BCL2L1: variants seen among roughly 807,000 people sequenced by gnomAD.
The protein encoded by BCL2L1 is BCL2 like 1.
BCL2L1 carries 1 observed loss-of-function variant against 18.7 expected under a neutral mutation model. The observed-to-expected ratio is 0.05, with a 90% confidence interval of 0.02 to 0.25. The LOEUF (loss-of-function observed/expected upper bound fraction) is 0.25. Ranked by LOEUF, BCL2L1 falls within the 10% of genes least tolerant of loss-of-function variation. The pLI is 1.00. For missense variants in BCL2L1, 207 were observed against 304.9 expected (o/e 0.68, Z 2.39); for synonymous variants, 103 against 122.7 (o/e 0.84, Z 1.06).
At chr20:31,690,636 T>C (rs2061048472) in intron 2 of BCL2L1, among the ~76,000 whole-genome samples, 1 of 151,528 alleles carries the variant, frequency 6.6e-6, no homozygotes, top group Admixed American at 6.6e-5. Flanking sequence ...AATGGCATGA[T>C]CTCAGCTCAC....
intron 2 of BCL2L1, among the ~76,000 whole-genome samples, chr20:31,719,233 C>A (rs2061585742): frequency 6.6e-6 from 1 of 152,220 alleles, no homozygotes; most frequent in African/African-American, 2.4e-5. Flanking sequence ...GAGGACCTAA[C>A]ACAGTGCCTA....
At chr20:31,670,828 A>C (rs1452083099) in intron 2 of BCL2L1, among the ~76,000 whole-genome samples, 1 of 152,148 alleles carries the variant, frequency 6.6e-6, no homozygotes, top group Non-Finnish European at 1.5e-5. Flanking sequence ...GGTTCACACG[A>C]CACACTTGGA....
intron 2 of BCL2L1, among the ~76,000 whole-genome samples, chr20:31,715,859 T>C (rs1200291318): frequency 6.6e-6 from 1 of 152,080 alleles, no homozygotes; most frequent in East Asian, 1.9e-4. Context: ...TGAGACAGGG[T>C]CTTGCTCTGT....
intron 2 of BCL2L1, among the ~76,000 whole-genome samples, chr20:31,717,375 G>C (rs2061552685): frequency 6.6e-6 from 1 of 151,964 alleles, no homozygotes; most frequent in South Asian, 2.1e-4. Context: ...AAACCCTCCA[G>C]GTTCCATTGG....
intron 2 of BCL2L1, among the ~76,000 whole-genome samples, chr20:31,718,332 G>T (rs1466268481): frequency 6.6e-6 from 1 of 152,188 alleles, no homozygotes; most frequent in Non-Finnish European, 1.5e-5. Flanking sequence ...GTCATCTATT[G>T]GCAGGGCCTG....
intron 2 of BCL2L1, among the ~76,000 whole-genome samples, chr20:31,719,224 A>G (rs2061585533): frequency 6.6e-6 from 1 of 152,222 alleles, no homozygotes. Context: ...GCATAAGTAG[A>G]GGACCTAACA....
At chr20:31,696,865 G>A (rs1178126118) in intron 2 of BCL2L1, among the ~76,000 whole-genome samples, 1 of 152,026 alleles carries the variant, frequency 6.6e-6, no homozygotes, top group African/African-American at 2.4e-5. Context: ...AGACGAGCCT[G>A]GCCAACGTGG....
At chr20:31,682,595 A>C (rs1600797632) in intron 2 of BCL2L1, among the ~76,000 whole-genome samples, 1 of 152,048 alleles carries the variant, frequency 6.6e-6, no homozygotes, top group African/African-American at 2.4e-5. Context: ...ACAGGTGTGC[A>C]TCACCATGCC....
intron 2 of BCL2L1, among the ~76,000 whole-genome samples, chr20:31,712,119 G>C (rs1349856516): frequency 6.6e-6 from 1 of 152,182 alleles, no homozygotes; most frequent in African/African-American, 2.4e-5. Context: ...CCAAATCTCA[G>C]TGCCTATAAC....
intron 2 of BCL2L1, among the ~76,000 whole-genome samples, chr20:31,689,747 GGCGCACGCCTGTAATCCCA>G (rs2061028062): frequency 6.6e-6 from 1 of 152,158 alleles, no homozygotes; most frequent in African/African-American, 2.4e-5. Flanking sequence ...CAGGCGCGGT[GGCGCACGCCTGTAATCCCA>G]GCACTTTGGG....
At chr20:31,688,213 G>T (rs2060994402) in intron 2 of BCL2L1, among the ~76,000 whole-genome samples, 1 of 152,116 alleles carries the variant, frequency 6.6e-6, no homozygotes, top group Non-Finnish European at 1.5e-5. Flanking sequence ...ATAGGCTGAG[G>T]TGGGTGGATC....
chr20:31,713,566 C>T, intron 2 of BCL2L1: 7 of 985,298 alleles, frequency 7.1e-6, no homozygotes, highest in Non-Finnish European at 8.4e-6. Flanking sequence ...CTGTGTGGCT[C>T]AGAGTTCACT....
Position 31,721,793 on chromosome 20 carries a change from G to A in BCL2L1, c.426C>T (p.Ala142=), listed in dbSNP as rs561461281. The part of the protein sequence containing the change: ...RDGVNWGRIV[A]FFSFGGALCV... ...ACAGTGCCCCGCCGAAGGAGAAAAAGGCCACAATGCGACCCCAGTTTACCC... is the reference window on the plus strand; with the variant it reads ...ACAGTGCCCCGCCGAAGGAGAAAAAAGCCACAATGCGACCCCAGTTTACCC... Residue 142 remains alanine (A), a synonymous_variant, in exon 2 of 3, where the codon GCC becomes GCT. Transcript: ENST00000307677. 1.2e-6 allele frequency: 2 copies of A among 1,614,142 alleles called. No individual in the cohort carries two copies. The highest frequency in any genetic ancestry group is 1.7e-6 in the Non-Finnish European group (2 of 1,180,022).
intron 2 of BCL2L1, among the ~76,000 whole-genome samples, chr20:31,680,377 T>A (rs879876100): frequency 3.3e-5 from 5 of 152,200 alleles, no homozygotes; most frequent in Non-Finnish European, 7.3e-5. Flanking sequence ...GGAAGTAGCA[T>A]TCCCCCCTGG....
Position 31,664,765 on chromosome 20 carries a change from C to T in BCL2L1, c.*1184G>A, listed in dbSNP as rs1454727310. ...AATAAAAACTAGTCTCAAATATGTA[C>T]AGCAGAGAGCCCGGGGTGGCTGGGA... On this transcript the variant is annotated 3_prime_UTR_variant, in exon 3 of 3. Coordinates refer to ENST00000307677, the MANE Select transcript of BCL2L1 (RefSeq NM_138578.3). 9.0e-6 allele frequency: 2 copies of T among 221,438 alleles called. No homozygotes were observed. Among genetic ancestry groups the T allele is most frequent in the East Asian group, 6.5e-5 (1 of 15,430 alleles). The allele number at this position is 221,438 out of a possible 1,614,324, so 13.7% of individuals were successfully genotyped here.
chr20:31,672,058 T>TA (rs199695577), intron 2 of BCL2L1, among the ~76,000 whole-genome samples: 153 of 127,336 alleles, frequency 1.2e-3, no homozygotes, highest in East Asian at 2.9e-3. Context: ...GGGTGGATGA[T>TA]AAAAAAAAAA....
intron 2 of BCL2L1, among the ~76,000 whole-genome samples, chr20:31,710,314 T>C (rs1025868745): frequency 1.3e-5 from 2 of 152,152 alleles, no homozygotes; most frequent in Non-Finnish European, 2.9e-5. Context: ...GAGAGAGCCC[T>C]GATCAGATCC....
chr20:31,668,418 C>T (rs969739298), intron 2 of BCL2L1, among the ~76,000 whole-genome samples: 1 of 151,618 alleles, frequency 6.6e-6, no homozygotes, highest in Admixed American at 6.6e-5. Context: ...TTCCTGGGTA[C>T]AAGCGATTCT....
chr20:31,695,523 G>A (rs2061152838), intron 2 of BCL2L1, among the ~76,000 whole-genome samples: 1 of 152,180 alleles, frequency 6.6e-6, no homozygotes, highest in Non-Finnish European at 1.5e-5. Context: ...CTAGAGTGGA[G>A]GGACAGGATC....
Sources: gnomAD v4.1 joint callset for allele counts (sites outside exome capture counted in the v4.1 genomes callset) on GRCh38, gnomAD v4.1.1 for gene constraint, MANE v1.5 for transcripts, NCBI Gene and HGNC (gene_info 2026-07-23, HGNC 2026-07-21) for gene names.